FBXO34: variants seen among roughly 807,000 people sequenced by gnomAD.
The protein encoded by FBXO34 is F-box protein 34, also known as F-box only protein 34.
A neutral mutation model predicts 24.5 loss-of-function variants in FBXO34; 12 were observed. That is an observed-to-expected ratio of 0.49 (90% CI 0.31 to 0.79). The LOEUF (loss-of-function observed/expected upper bound fraction) is 0.79, where lower values mean the gene tolerates loss of function less well. FBXO34 is among the 30% of genes least tolerant of loss of function. The pLI is 0.04. For synonymous variants in FBXO34, 320 were observed against 311.9 expected (o/e 1.03, Z -0.27); for missense variants, 823 against 857.7 (o/e 0.96, Z 0.51).
chr14:55,292,518 C>T (rs1441288405), intron 1 of FBXO34, among the ~76,000 whole-genome samples: 1 of 152,100 alleles, frequency 6.6e-6, no homozygotes, highest in Non-Finnish European at 1.5e-5. Flanking sequence ...TACCACCATG[C>T]CTGGCTAATT....
intron 1 of FBXO34, among the ~76,000 whole-genome samples, chr14:55,275,454 A>G (rs532983830): frequency 1.3e-5 from 2 of 152,246 alleles, no homozygotes; most frequent in East Asian, 3.9e-4. Context: ...AAGGACCCTT[A>G]ACCTTTGTTT....
At chr14:55,406,029 CA>C in the FBXO34 span, among the ~76,000 whole-genome samples, 3 of 151,942 alleles carry the variant, frequency 2.0e-5, no homozygotes, top group Non-Finnish European at 4.4e-5. Flanking sequence ...CGAACAACGA[CA>C]AAAAAATAAT....
At chr14:55,316,684 G>A (rs929049004) in intron 1 of FBXO34, among the ~76,000 whole-genome samples, 5 of 148,894 alleles carry the variant, frequency 3.4e-5, no homozygotes, top group African/African-American at 1.2e-4. Context: ...CTGAGATCAT[G>A]CCACTGCACT....
At chr14:55,346,092 C>T (rs1005970374) in intron 1 of FBXO34, among the ~76,000 whole-genome samples, 1 of 152,172 alleles carries the variant, frequency 6.6e-6, no homozygotes, top group Non-Finnish European at 1.5e-5. Flanking sequence ...TCTGATGCTA[C>T]ATGTTTTATG....
At chr14:55,288,656 T>C (rs1881843200) in intron 1 of FBXO34, among the ~76,000 whole-genome samples, 1 of 152,254 alleles carries the variant, frequency 6.6e-6, no homozygotes, top group African/African-American at 2.4e-5. Context: ...GAACCTTTTG[T>C]AATGATTTCT....
chr14:55,369,746 A>G, downstream of FBXO34: 3 of 1,614,084 alleles, frequency 1.9e-6, no homozygotes, highest in Non-Finnish European at 2.5e-6. Flanking sequence ...GGAGACTTCC[A>G]CAGACTGGGA....
intron 1 of FBXO34, among the ~76,000 whole-genome samples, chr14:55,298,164 C>G (rs1882204665): frequency 3.9e-5 from 6 of 151,906 alleles, no homozygotes; most frequent in Admixed American, 3.9e-4. Flanking sequence ...GCTTTGAATA[C>G]TGCCCAACAC....
At chr14:55,356,076 G>A (rs915146575), downstream of FBXO34, among the ~76,000 whole-genome samples, 2 of 152,164 alleles carry the variant, frequency 1.3e-5, no homozygotes, top group Non-Finnish European at 2.9e-5. Context: ...GCTCTGAGCC[G>A]GTGGTTATGT....
the FBXO34 span, among the ~76,000 whole-genome samples, chr14:55,415,808 A>G: frequency 2.0e-5 from 3 of 152,132 alleles, no homozygotes; most frequent in Non-Finnish European, 2.9e-5. Context: ...GGGGGTTGCA[A>G]TGAGCAGAGT....
At chr14:55,343,764 C>T (rs904581647) in intron 1 of FBXO34, among the ~76,000 whole-genome samples, 7 of 152,174 alleles carry the variant, frequency 4.6e-5, no homozygotes, top group Admixed American at 6.5e-5. Flanking sequence ...AGAGAAATAT[C>T]GTCCTTTCTC....
At chr14:55,378,893 C>T in the FBXO34 span, among the ~76,000 whole-genome samples, 8,849 of 151,720 alleles carry the variant, frequency 0.058, 326 homozygotes, top group South Asian at 0.09. Context: ...TTTTTAGTAG[C>T]GACAAGGTCT....
intron 1 of FBXO34, among the ~76,000 whole-genome samples, chr14:55,282,099 C>T (rs982032285): frequency 2.1e-5 from 3 of 144,092 alleles, no homozygotes; most frequent in South Asian, 2.2e-4. Flanking sequence ...CGGGTTCAAG[C>T]GATTCCCCTG....
chr14:55,423,136 T>C, the FBXO34 span, among the ~76,000 whole-genome samples: 1 of 152,224 alleles, frequency 6.6e-6, no homozygotes, highest in Non-Finnish European at 1.5e-5. Context: ...TGCTATTTAT[T>C]GGATGTGTTG....
intron 1 of FBXO34, among the ~76,000 whole-genome samples, chr14:55,338,045 C>CTTT (rs1480397645): frequency 1.2e-5 from 1 of 82,918 alleles, no homozygotes; most frequent in Non-Finnish European, 2.2e-5. Flanking sequence ...AGAGTATGTA[C>CTTT]TTCTTTTTTT....
chr14:55,387,753 C>T, the FBXO34 span, among the ~76,000 whole-genome samples: 6 of 151,924 alleles, frequency 3.9e-5, no homozygotes, highest in Non-Finnish European at 8.8e-5. Flanking sequence ...ACTGCAACCT[C>T]CGCCTCCCGG....
At chr14:55,405,766 G>A in the FBXO34 span, among the ~76,000 whole-genome samples, 1 of 152,154 alleles carries the variant, frequency 6.6e-6, no homozygotes, top group African/African-American at 2.4e-5. Flanking sequence ...CTGTGTTGGA[G>A]GTACTGCCTA....
intron 1 of FBXO34, among the ~76,000 whole-genome samples, chr14:55,338,496 G>A (rs1883871132): frequency 6.6e-6 from 1 of 152,046 alleles, no homozygotes; most frequent in Non-Finnish European, 1.5e-5. Flanking sequence ...ACAGTACCTG[G>A]CACATAGTAA....
At chr14:55,364,348 A>G (rs1884633356), downstream of FBXO34, among the ~76,000 whole-genome samples, 1 of 152,196 alleles carries the variant, frequency 6.6e-6, no homozygotes, top group African/African-American at 2.4e-5. Context: ...GGCACAACAA[A>G]AAAGTCATTG....
chr14:55,359,063 C>G (rs1189914995), intron 3 of FBXO34, among the ~76,000 whole-genome samples: 1 of 152,010 alleles, frequency 6.6e-6, no homozygotes, highest in Non-Finnish European at 1.5e-5. Flanking sequence ...CACCGATGCA[C>G]CACTCCCAGC....
Sources: gnomAD v4.1 joint callset for allele counts (sites outside exome capture counted in the v4.1 genomes callset) on GRCh38, gnomAD v4.1.1 for gene constraint, MANE v1.5 for transcripts, NCBI Gene and HGNC (gene_info 2026-07-23, HGNC 2026-07-21) for gene names.